The following PCLO variants were observed in gnomAD, a reference collection of about 807,000 sequenced individuals.
PCLO encodes piccolo presynaptic cytomatrix protein.
Under a neutral mutation model 427.5 loss-of-function variants are expected in PCLO, and 82 were observed. The observed-to-expected ratio is 0.19, with a 90% CI of 0.16 to 0.23. The LOEUF (loss-of-function observed/expected upper bound fraction) is 0.23. PCLO is among the 10% of genes least tolerant of loss of function. PCLO has a pLI of 1.00. For missense variants in PCLO, 6,239 were observed against 6,115.9 expected (o/e 1.02, Z -0.67); for synonymous variants, 2,357 against 2,155.4 (o/e 1.09, Z -2.59).
rs1319394472 is a variant in PCLO at position 82,965,995 on chromosome 7, G to A, written c.3793C>T (p.Leu1265Phe). ...TCAGCAATTTGTACTTGAGATTTAA[G>A]TAAGTCATGTTTCTGTTCTTCTGGG... ...SAPEEQKHDL[L>F]KSQVQIAEEK... Residue 1265 changes from leucine (L) to phenylalanine (F), a missense_variant, in exon 4 of 25, where the codon CTT (leucine) becomes TTT (phenylalanine). Leu to Phe is a conservative substitution (Grantham distance 22, BLOSUM62 0). Around this residue, in one of 5 missense-constraint regions of PCLO, gnomAD observed 4,677 missense variants for 4,468.4 expected, o/e 1.05. Transcript: ENST00000333891. 2 of 1,613,772 alleles carry A rather than the reference G, an allele frequency of 1.2e-6. No individual in the cohort carries two copies. The highest frequency in any genetic ancestry group is 1.7e-6 in the Non-Finnish European group (2 of 1,179,864).
At chr7:83,118,745 G>A (rs1320554781) in intron 3 of PCLO, among the ~76,000 whole-genome samples, 2 of 152,110 alleles carry the variant, frequency 1.3e-5, no homozygotes, top group African/African-American at 4.8e-5. Context: ...AGTGCTCTAG[G>A]GTGCTGAATA....
intron 23 of PCLO, among the ~76,000 whole-genome samples, 195 bp from the exon 24 acceptor site, chr7:82,760,979 G>T (rs560598695): frequency 6.7e-5 from 8 of 119,048 alleles, no homozygotes; most frequent in South Asian, 2.7e-4. Context: ...TTGAGACAGG[G>T]TCTTACTCTG....
intron 22 of PCLO, among the ~76,000 whole-genome samples, chr7:82,797,159 A>C (rs186070424): frequency 7.9e-5 from 12 of 152,174 alleles, no homozygotes; most frequent in Admixed American, 5.2e-4. Flanking sequence ...TTCTTACTGA[A>C]ACTAAATTGG....
chr7:82,773,752 C>T (rs1031396721), intron 22 of PCLO, among the ~76,000 whole-genome samples: 10 of 151,808 alleles, frequency 6.6e-5, no homozygotes, highest in Non-Finnish European at 1.2e-4. Context: ...TTCAGTTCCC[C>T]TCTTCATTAG....
intron 6 of PCLO, among the ~76,000 whole-genome samples, chr7:82,925,629 C>T (rs1235396809): frequency 6.6e-6 from 1 of 151,922 alleles, no homozygotes; most frequent in Non-Finnish European, 1.5e-5. Context: ...TAAGCACCAT[C>T]CCTCTATCCT....
At chr7:82,847,375 A>C in intron 10 of PCLO, 128 bp from the exon 11 acceptor site, 1 of 587,902 alleles carries the variant, frequency 1.7e-6, no homozygotes, top group Non-Finnish European at 3.0e-6. Context: ...CATCAGTTCC[A>C]AGTTCTCTGC....
chr7:83,162,756 G>A lies in PCLO; in HGVS notation c.-164C>T. On this transcript the variant is annotated 5_prime_UTR_variant, in exon 1 of 25. Transcript: ENST00000333891. ...CACTGCCGCCCGGAACGCCAGGCAG[G>A]GGTTAGTCCCGCTCGCAGGTAACGC... is the stretch of plus-strand genomic sequence containing the variant. 3.4e-6 allele frequency: 3 copies of A among 876,414 alleles called. No homozygotes were observed. Among genetic ancestry groups the A allele is most frequent in the Non-Finnish European group, 3.4e-6 (2 of 595,878 alleles). The allele number at this position is 876,414 out of a possible 1,614,324, so 54.3% of individuals were successfully genotyped here. A position where few individuals can be genotyped will look rare whatever the true frequency, so the allele number is the denominator to read the frequency against.
At chr7:82,879,524 G>T in intron 9 of PCLO, 62 bp from the exon 10 acceptor site, 2 of 1,278,102 alleles carry the variant, frequency 1.6e-6, no homozygotes, top group South Asian at 1.5e-5. Flanking sequence ...GTTATCACAA[G>T]TTACAGAGAG....
At chr7:82,767,081 G>T (rs1017165582) in intron 22 of PCLO, among the ~76,000 whole-genome samples, 5 of 152,198 alleles carry the variant, frequency 3.3e-5, no homozygotes, top group Middle Eastern at 3.4e-3. Context: ...CTCCGTGTTT[G>T]CAGGTTGGGC....
In PCLO at chr7:82,794,459, C is replaced by CTT. The variant is rs778108792; in HGVS notation, c.15007+7057_15007+7058dup. Among the ~76,000 whole-genome samples the CTT allele has an allele frequency of 6.6e-4, 37 of 56,358 alleles. 5 individuals carry two copies. Among genetic ancestry groups the CTT allele is most frequent in the Admixed American group, 1.4e-3 (5 of 3,688 alleles). 37.0% of individuals were successfully genotyped at this position (56,358 alleles called of 152,430 possible). On this transcript the variant is annotated intron_variant, in intron 22 of 24. Coordinates refer to ENST00000333891, the MANE Select transcript of PCLO (RefSeq NM_033026.6). ...ACATGCTAGTTCATAAATTTTTTTT[C>CTT]TTTTTTTTTTTTTTTTTTTTTTTTT...
At chr7:82,975,368 C>T (rs1194404552) in intron 3 of PCLO, among the ~76,000 whole-genome samples, 1 of 152,164 alleles carries the variant, frequency 6.6e-6, no homozygotes, top group Non-Finnish European at 1.5e-5. Context: ...TCAATCCCCT[C>T]ACTTATAAAT....
At chr7:83,104,133 C>CTTATT (rs60200366) in intron 3 of PCLO, among the ~76,000 whole-genome samples, 69,256 of 151,246 alleles carry the variant, frequency 0.46, 16,201 homozygotes, top group East Asian at 0.71. Context: ...ACAACATTTT[C>CTTATT]TTAATTTACC....
chr7:82,916,414 T>G lies in PCLO; in HGVS notation c.11572A>C (p.Thr3858Pro), dbSNP rs551151306. 6.2e-7 allele frequency: 1 copy of G among 1,613,688 alleles called. No homozygotes were observed. Among genetic ancestry groups the G allele is most frequent in the East Asian group, 2.2e-5 (1 of 44,842 alleles). The stretch of plus-strand genomic sequence containing the variant: ...TGGCTGAATTCAGTTTGGGGAGCAG[T>G]TCTTGGTCGCTCAATGCCATGCTGA... ...ESQHGIERPR[T>P]APQTEFSQFI... is the part of the protein sequence containing the mutation. Residue 3858 changes from threonine to proline, a missense_variant, in exon 7 of 25, where the codon ACT becomes CCT. By Grantham distance (38) the Thr-to-Pro change is conservative. Transcript: ENST00000333891.
Position 82,902,718 on chromosome 7 carries a change from A to G in PCLO, c.13461T>C (p.Thr4487=). Residue 4487 remains threonine (T), a synonymous_variant, in exon 9 of 25, where the codon ACT becomes ACC. Coordinates refer to ENST00000333891, the MANE Select transcript of PCLO (RefSeq NM_033026.6). ...TTGCGTGAGGAAAGATGTAGTGCAT[A>G]GTTTTCCCGTTCATCTGTATAATCT... is the stretch of plus-strand genomic sequence containing the variant. ...QEQIIQMNGK[T]MHYIFPHARI... is the part of the protein sequence containing the mutation. 6.3e-7 allele frequency: 1 copy of G among 1,596,138 alleles called. No individual in the cohort carries two copies. Among genetic ancestry groups the G allele is most frequent in the Non-Finnish European group, 8.6e-7 (1 of 1,164,794 alleles).
chr7:82,838,923 A>G (rs1440272255), intron 14 of PCLO, among the ~76,000 whole-genome samples: 1 of 152,002 alleles, frequency 6.6e-6, no homozygotes, highest in Non-Finnish European at 1.5e-5. Flanking sequence ...GTGAGATACT[A>G]CAATACTCTT....
At chr7:82,835,054 C>T (rs954816854) in intron 16 of PCLO, among the ~76,000 whole-genome samples, 3 of 152,050 alleles carry the variant, frequency 2.0e-5, no homozygotes, top group South Asian at 4.1e-4. Flanking sequence ...ACGCTATTTT[C>T]CTGCCTCAGC....
At chr7:82,793,372 C>T (rs1439065433) in intron 22 of PCLO, among the ~76,000 whole-genome samples, 1 of 152,092 alleles carries the variant, frequency 6.6e-6, no homozygotes, top group African/African-American at 2.4e-5. Context: ...TTTTGAGTCC[C>T]AGCCAAGTTG....
chr7:82,896,197 C>A (rs1793900175), intron 9 of PCLO, among the ~76,000 whole-genome samples: 1 of 151,656 alleles, frequency 6.6e-6, no homozygotes, highest in South Asian at 2.1e-4. Flanking sequence ...ATAAAAATTA[C>A]ATATTATACA....
intron 3 of PCLO, among the ~76,000 whole-genome samples, chr7:82,975,954 T>C (rs79918151): frequency 0.04 from 6,128 of 152,284 alleles, 180 homozygotes; most frequent in Non-Finnish European, 0.06. Context: ...CATGCGGAAC[T>C]GTGAGTCAAT....
Sources: allele counts gnomAD v4.1 joint callset (sites outside exome capture counted in the v4.1 genomes callset), GRCh38; gene constraint gnomAD v4.1.1; regional missense constraint gnomAD v4.1.1; transcripts MANE v1.5; gene names NCBI Gene and HGNC (gene_info 2026-07-23, HGNC 2026-07-21).